TMEM184A: variants seen among roughly 807,000 people sequenced by gnomAD.
The protein encoded by TMEM184A is transmembrane protein 184A.
In TMEM184A, 40 loss-of-function variants were observed where a neutral mutation model predicts 39.5. The observed-to-expected ratio is 1.01, with a 90% confidence interval of 0.79 to 1.32. The LOEUF is 1.32. Among genes scored for constraint, TMEM184A ranks in the 40% most tolerant of loss-of-function variants. The pLI is 0.00. For missense variants in TMEM184A, 603 were observed against 568.8 expected (o/e 1.06, Z -0.61); for synonymous variants, 280 against 252.3 (o/e 1.11, Z -1.04).
chr7:1,550,639 G>A (rs1482803363), intron 3 of TMEM184A, among the ~76,000 whole-genome samples, 178 bp downstream of exon 3: 1 of 152,158 alleles, frequency 6.6e-6, no homozygotes, highest in Non-Finnish European at 1.5e-5. Flanking sequence ...GGAGGCTGTG[G>A]GGTCAGTCGT....
At chr7:1,548,084 G>T (rs971587400) in intron 7 of TMEM184A, 145 bp from the exon 8 acceptor site, 2 of 972,600 alleles carry the variant, frequency 2.1e-6, no homozygotes, top group African/African-American at 1.6e-5. Context: ...TGAGGTTCAG[G>T]GGGGCAGGGC....
intron 3 of TMEM184A, 34 bp downstream of exon 3, chr7:1,550,783 C>T: frequency 6.2e-7 from 1 of 1,608,066 alleles, no homozygotes; most frequent in African/African-American, 1.3e-5. Flanking sequence ...GTCTCTCCCT[C>T]CGCTCCCCCG....
At chr7:1,547,498 C>T (rs1784395879) in intron 8 of TMEM184A, among the ~76,000 whole-genome samples, 1 of 152,326 alleles carries the variant, frequency 6.6e-6, no homozygotes, top group Middle Eastern at 3.4e-3. Flanking sequence ...CGGCAGGCCA[C>T]AGGCTGTCTC....
At chr7:1,547,623 GCCCGTCT>G (rs1233162145) in intron 8 of TMEM184A, 112 bp downstream of exon 8, 11 of 1,103,686 alleles carry the variant, frequency 1.0e-5, no homozygotes, top group Non-Finnish European at 1.5e-5. Context: ...GATGCCCTTT[GCCCGTCT>G]CCCTGCCCAG....
chr7:1,552,544 G>C (rs982170620), intron 2 of TMEM184A, among the ~76,000 whole-genome samples: 4 of 149,614 alleles, frequency 2.7e-5, no homozygotes, highest in Non-Finnish European at 5.9e-5. Context: ...AGTTCCTTGG[G>C]CATGAGTGAG....
intron 6 of TMEM184A, chr7:1,549,028 T>G (rs751371694): frequency 3.8e-6 from 2 of 522,724 alleles, no homozygotes; most frequent in South Asian, 3.1e-5. Context: ...ACCTGGCCAC[T>G]GCCTGAAGAT....
In TMEM184A at chr7:1,549,998, G is replaced by A. The variant is rs1784522706; in HGVS notation, c.553-53C>T. The A allele has an allele frequency of 4.4e-6, 7 of 1,597,464 alleles. No homozygotes were observed. The South Asian group carries it at 6.6e-5, about 15-fold the overall frequency. On this transcript the variant is annotated intron_variant, in intron 5 of 8. Coordinates refer to ENST00000297477, the MANE Select transcript of TMEM184A (RefSeq NM_001097620.2). Reference sequence around the variant, plus strand: ...GGGGCCAGGTCCCCCAGGGGCCCAGGAATGGGGATTGGGGCAGCCAGCAAT... The same window carrying A: ...GGGGCCAGGTCCCCCAGGGGCCCAGAAATGGGGATTGGGGCAGCCAGCAAT...
chr7:1,551,012 G>A lies in TMEM184A; in HGVS notation c.220-30C>T, dbSNP rs10279974. On this transcript the variant is annotated intron_variant, in intron 2 of 8. Transcript: ENST00000297477. ...GCGCAGGAGGGGTCGCATGAGAGCCGGGCCCGCCTGGTACCCCTGGACCAG... is the reference window on the plus strand; with the variant it reads ...GCGCAGGAGGGGTCGCATGAGAGCCAGGCCCGCCTGGTACCCCTGGACCAG... The A allele has an allele frequency of 9.0e-3, 14,342 of 1,589,384 alleles. 763 individuals are homozygous for A. In the African/African-American group the frequency reaches 0.14, roughly 15 times the overall value.
intron 2 of TMEM184A, among the ~76,000 whole-genome samples, chr7:1,552,010 G>A (rs763323487): frequency 1.3e-4 from 20 of 151,538 alleles, no homozygotes; most frequent in East Asian, 3.9e-4. Context: ...ACAGGGTCTC[G>A]CTCTGTCGCC....
intron 6 of TMEM184A, chr7:1,549,074 G>A (rs749348586): frequency 9.9e-5 from 48 of 486,834 alleles, no homozygotes; most frequent in Middle Eastern, 9.2e-4. Context: ...TCGTTCCCGT[G>A]TGAGTGTGTG....
intron 2 of TMEM184A, among the ~76,000 whole-genome samples, chr7:1,554,813 C>G (rs1562563245): frequency 6.6e-6 from 1 of 152,172 alleles, no homozygotes; most frequent in Admixed American, 6.5e-5. Context: ...CAAGCTGTGA[C>G]CTTTGCTCCC....
rs947822388 is a variant in TMEM184A, at chr7:1,542,743, C to T, written c.*4209G>A. 2.0e-5 allele frequency: 3 copies of T among 152,620 alleles called. No individual in the cohort carries two copies. The highest frequency in any genetic ancestry group is 4.8e-5 in the African/African-American group (2 of 41,468). 9.5% of individuals were successfully genotyped at this position (152,620 alleles called of 1,614,324 possible). ...TTGTTTTCTGTCTCCGTGCCTCCGG[C>T]TTCCCAAAGAGATCCAGGTCTTTGC... On this transcript the variant is annotated 3_prime_UTR_variant, in exon 9 of 9. Coordinates refer to ENST00000297477, the MANE Select transcript of TMEM184A (RefSeq NM_001097620.2).
intron 2 of TMEM184A, among the ~76,000 whole-genome samples, chr7:1,551,825 T>A (rs1166636477): frequency 6.6e-6 from 1 of 151,864 alleles, no homozygotes; most frequent in Non-Finnish European, 1.5e-5. Context: ...TAATCCCAGC[T>A]ACTAGAGAGG....
intron 2 of TMEM184A, among the ~76,000 whole-genome samples, chr7:1,554,538 C>T (rs554385587): frequency 1.8e-4 from 27 of 152,340 alleles, no homozygotes; most frequent in South Asian, 1.2e-3. Flanking sequence ...CTGCGCACAC[C>T]GCCCTGGCCT....
rs1784361731 is a variant in TMEM184A at position 1,546,805 on chromosome 7, AG to A, written c.*146del. 5.3e-6 allele frequency: 3 copies of A among 567,186 alleles called. No homozygotes were observed. The highest frequency in any genetic ancestry group is 9.0e-6 in the Non-Finnish European group (3 of 334,364). The allele number at this position is 567,186 out of a possible 1,614,324, so 35.1% of individuals were successfully genotyped here. A position where few individuals can be genotyped will look rare whatever the true frequency, so the allele number is the denominator to read the frequency against. On this transcript the variant is annotated 3_prime_UTR_variant, in exon 9 of 9. Coordinates refer to ENST00000297477, the MANE Select transcript of TMEM184A (RefSeq NM_001097620.2). Reference sequence around the variant, plus strand: ...GTGCCCTGACCCCCTGGCTGGAGGGAGGATGGGAAGTGGGCTCCGAGGGCCT... The same window carrying A: ...GTGCCCTGACCCCCTGGCTGGAGGGAGATGGGAAGTGGGCTCCGAGGGCCT...
At chr7:1,547,999 G>T in intron 7 of TMEM184A, 60 bp from the exon 8 acceptor site, 12 of 1,514,020 alleles carry the variant, frequency 7.9e-6, no homozygotes, top group South Asian at 1.2e-5. Flanking sequence ...GGAGGAAGAG[G>T]CCCCAGACCC....
chr7:1,548,452 T>A (rs1488131062), intron 7 of TMEM184A, 67 bp downstream of exon 7: 118 of 1,529,304 alleles, frequency 7.7e-5, no homozygotes, highest in Non-Finnish European at 1.0e-4. Context: ...GGGTGTGAGG[T>A]GACCCCAGGC....
At chr7:1,547,257 C>A (rs188432704) in intron 8 of TMEM184A, 76 bp from the exon 9 acceptor site, 37 of 855,544 alleles carry the variant, frequency 4.3e-5, no homozygotes, top group Non-Finnish European at 6.5e-5. Context: ...TCCCAGGATG[C>A]CCAGGGCTGT....
Position 1,555,013 on chromosome 7 carries a change from G to A in TMEM184A, c.219+253C>T, listed in dbSNP as rs569107507. ...ACCACACTGCAGACCTCAGTGAGCC[G>A]AGTGACGAGCCTGTGAAATAGCCAG... On this transcript the variant is annotated intron_variant, in intron 2 of 8. Coordinates refer to ENST00000297477, the MANE Select transcript of TMEM184A (RefSeq NM_001097620.2). The surrounding 1 kb of genome is among the most constrained non-coding windows in gnomAD (Gnocchi z 5.2). 7.2e-5 allele frequency among the ~76,000 whole-genome samples: 11 copies of A among 152,270 alleles called. No individual in the cohort carries two copies. The highest frequency in any genetic ancestry group is 2.1e-4 in the South Asian group (1 of 4,818).
Sources: gnomAD v4.1 joint callset for allele counts (sites outside exome capture counted in the v4.1 genomes callset) on GRCh38, gnomAD v4.1.1 for gene constraint, Gnocchi (gnomAD v3.1) non-coding constraint, MANE v1.5 for transcripts, NCBI Gene and HGNC (gene_info 2026-07-23, HGNC 2026-07-21) for gene names.